Variants in CDH23 observed in about 807,000 individuals in gnomAD.
CDH23 encodes cadherin related 23, also known as cadherin-23.
In CDH23, 189 loss-of-function variants were observed where a neutral mutation model predicts 317.1. That is an observed-to-expected ratio of 0.60 (90% CI 0.53 to 0.67). The LOEUF is 0.67. Among genes scored for constraint, CDH23 ranks in the 30% least tolerant of loss-of-function variants. The pLI is 0.00. For missense variants in CDH23, 4,401 were observed against 4,592.4 expected, an observed-to-expected ratio of 0.96 and a Z score of 1.20; for synonymous variants, 1,839 against 1,876.8, an observed-to-expected ratio of 0.98 and a Z score of 0.52.
intron 9 of CDH23, among the ~76,000 whole-genome samples, chr10:71,589,589 T>A (rs1462207216): frequency 6.6e-6 from 1 of 152,202 alleles, no homozygotes; most frequent in Non-Finnish European, 1.5e-5. Context: ...GCCTGAAGCA[T>A]GGCATATGTA....
At chr10:71,700,681 G>A (rs1865547057) in intron 22 of CDH23, among the ~76,000 whole-genome samples, 1 of 152,206 alleles carries the variant, frequency 6.6e-6, no homozygotes, top group African/African-American at 2.4e-5. Context: ...GGAGAGGAGG[G>A]CCGAGCAGTC....
At chr10:71,552,833 C>T (rs917416587) in intron 6 of CDH23, among the ~76,000 whole-genome samples, 7 of 152,152 alleles carry the variant, frequency 4.6e-5, no homozygotes, top group African/African-American at 1.7e-4. Context: ...CATGCTGCTT[C>T]CCTCGAGGTT....
At chr10:71,581,170 G>T (rs1858601654) in intron 9 of CDH23, among the ~76,000 whole-genome samples, 1 of 152,258 alleles carries the variant, frequency 6.6e-6, no homozygotes, top group South Asian at 2.1e-4. Context: ...CACCCTGAGG[G>T]CATCTTCACA....
intron 6 of CDH23, among the ~76,000 whole-genome samples, chr10:71,552,578 C>T (rs899969254): frequency 1.4e-4 from 21 of 152,166 alleles, no homozygotes; most frequent in South Asian, 4.1e-4. Flanking sequence ...TGCTTCAGAA[C>T]GTGCTGCCTT....
At chr10:71,707,087 T>G (rs1423558291) in intron 26 of CDH23, 38 bp downstream of exon 26, 1 of 1,579,336 alleles carries the variant, frequency 6.3e-7, no homozygotes, top group Non-Finnish European at 8.6e-7. Flanking sequence ...GCAGGCCTCC[T>G]GGGGCCCTGC....
chr10:71,412,518 G>T (rs1848382462), intron 1 of CDH23, among the ~76,000 whole-genome samples: 1 of 152,126 alleles, frequency 6.6e-6, no homozygotes, highest in Admixed American at 6.5e-5. Flanking sequence ...GTGTTGACCA[G>T]GCTGGAGTGC....
At chr10:71,659,143 C>G (rs2132627251) in intron 14 of CDH23, among the ~76,000 whole-genome samples, 1 of 152,330 alleles carries the variant, frequency 6.6e-6, no homozygotes, top group African/African-American at 2.4e-5. Context: ...CTCAGACAAT[C>G]ACTCAGAGAA....
chr10:71,541,605 A>G (rs1056189079), intron 6 of CDH23, among the ~76,000 whole-genome samples: 10 of 152,212 alleles, frequency 6.6e-5, no homozygotes, highest in African/African-American at 2.2e-4. Flanking sequence ...GAGTTTCTGC[A>G]CCCAGCTCCC....
intron 3 of CDH23, among the ~76,000 whole-genome samples, chr10:71,449,823 T>C (rs1382999227): frequency 2.6e-5 from 4 of 152,232 alleles, no homozygotes; most frequent in African/African-American, 7.2e-5. Flanking sequence ...GGGAGCAGAA[T>C]GGGAGGGCAC....
chr10:71,569,979 C>T (rs1312766786), intron 7 of CDH23, among the ~76,000 whole-genome samples: 18 of 152,066 alleles, frequency 1.2e-4, no homozygotes. Context: ...TGGTGCACAA[C>T]AGCCTCGAAC....
chr10:71,622,358 C>T (rs1004243507), intron 11 of CDH23, among the ~76,000 whole-genome samples: 1 of 152,172 alleles, frequency 6.6e-6, no homozygotes, highest in African/African-American at 2.4e-5. Context: ...CTGAGTCAGC[C>T]ACTGGCAGTC....
At position 71,464,473 on chromosome 10, in the gene CDH23, C is replaced by G. The variant is rs576439924; in HGVS notation, c.145+18078C>G. On this transcript the variant is annotated intron_variant, in intron 3 of 69. Transcript: ENST00000224721. ...GAAGATGGTCCAGCAGTCATTCCCC[C>G]ACTGGTCCTGCTGCACTTCCTGGAT... Among the ~76,000 whole-genome samples the G allele has an allele frequency of 2.6e-5, 4 of 152,346 alleles. No individual in the cohort carries two copies. In the South Asian group the frequency reaches 6.2e-4, roughly 24 times the overall value.
chr10:71,397,619 C>T lies in CDH23; in HGVS notation c.-6+301C>T, dbSNP rs1168346874. Among the ~76,000 whole-genome samples the T allele has an allele frequency of 6.6e-6, 1 of 152,048 alleles. No individual in the cohort carries two copies. The highest frequency in any genetic ancestry group is 6.5e-5 in the Admixed American group (1 of 15,278). The stretch of plus-strand genomic sequence containing the variant: ...CATCCCCCATCCCCGGTCCTGGGAC[C>T]GCGAACATTTGGGGGCTTTGCTCTC... On this transcript the variant is annotated intron_variant, in intron 1 of 69. Coordinates refer to ENST00000224721, the MANE Select transcript of CDH23 (RefSeq NM_022124.6). This position sits in a 1 kb window ranked among gnomAD's most constrained non-coding sequence, Gnocchi z 4.8.
At chr10:71,756,516 C>A (rs753410688) in intron 38 of CDH23, among the ~76,000 whole-genome samples, 2 of 152,184 alleles carry the variant, frequency 1.3e-5, no homozygotes, top group African/African-American at 2.4e-5. Context: ...AAATTCCTAG[C>A]GGTCAAAGTG....
chr10:71,518,884 G>A (rs1854491656), intron 6 of CDH23, among the ~76,000 whole-genome samples: 1 of 152,184 alleles, frequency 6.6e-6, no homozygotes, highest in South Asian at 2.1e-4. Flanking sequence ...GTGAAGCCAA[G>A]GACCCCTGGT....
At chr10:71,571,999 C>T (rs1354149824) in intron 8 of CDH23, among the ~76,000 whole-genome samples, 1 of 152,246 alleles carries the variant, frequency 6.6e-6, no homozygotes, top group Non-Finnish European at 1.5e-5. Context: ...CCTCCCTTCA[C>T]AGCATGAGGC....
At chr10:71,623,343 A>G (rs953092954) in intron 11 of CDH23, among the ~76,000 whole-genome samples, 3 of 152,232 alleles carry the variant, frequency 2.0e-5, no homozygotes, top group African/African-American at 7.2e-5. Flanking sequence ...GATCCCCAAA[A>G]GGGAAATGGC....
intron 1 of CDH23, among the ~76,000 whole-genome samples, chr10:71,416,983 G>A (rs569916799): frequency 6.7e-6 from 1 of 150,220 alleles, no homozygotes; most frequent in South Asian, 2.1e-4. Flanking sequence ...TTTCTCTCTG[G>A]CTCCTTTAAA....
intron 3 of CDH23, among the ~76,000 whole-genome samples, chr10:71,483,311 G>C (rs906013437): frequency 2.6e-5 from 4 of 152,226 alleles, no homozygotes; most frequent in Admixed American, 1.3e-4. Flanking sequence ...GGCTGGTGGG[G>C]AGGGTTGAAC....
Sources: gnomAD v4.1 joint callset for allele counts (sites outside exome capture counted in the v4.1 genomes callset) on GRCh38, gnomAD v4.1.1 for gene constraint, Gnocchi (gnomAD v3.1) non-coding constraint, MANE v1.5 for transcripts, NCBI Gene and HGNC (gene_info 2026-07-23, HGNC 2026-07-21) for gene names.